CNOT6L: variants seen among roughly 807,000 people sequenced by gnomAD.
CNOT6L encodes the protein CCR4-NOT transcription complex subunit 6 like.
Under a neutral mutation model 64.0 loss-of-function variants are expected in CNOT6L, and 7 were observed. The ratio of observed to expected loss-of-function variants is 0.11; its 90% confidence interval spans 0.06 to 0.21. The LOEUF is 0.21. Ranked by LOEUF, CNOT6L falls within the 10% of genes least tolerant of loss-of-function variation. The pLI is 1.00. For missense variants in CNOT6L, 245 were observed against 669.0 expected (o/e 0.37, Z 6.99); for synonymous variants, 193 against 243.4 (o/e 0.79, Z 1.93).
intron 1 of CNOT6L, among the ~76,000 whole-genome samples, chr4:77,803,569 G>A (rs1731855770): frequency 6.6e-6 from 1 of 152,138 alleles, no homozygotes; most frequent in South Asian, 2.1e-4. Flanking sequence ...GGGACTGAAT[G>A]ACAGGACATC....
intron 1 of CNOT6L, among the ~76,000 whole-genome samples, chr4:77,790,143 AG>A (rs1171354712): frequency 2.0e-5 from 3 of 151,926 alleles, no homozygotes; most frequent in South Asian, 4.1e-4. Flanking sequence ...AGTGTCATTT[AG>A]TTGGACTCAT....
rs3747675 is a variant in CNOT6L, at chr4:77,715,095, C to G, written c.*5336G>C. 6.6e-6 allele frequency: 1 copy of G among 152,060 alleles called. No individual in the cohort carries two copies. The highest frequency in any genetic ancestry group is 2.4e-5 in the African/African-American group (1 of 41,420). 9.4% of individuals were successfully genotyped at this position (152,060 alleles called of 1,614,324 possible). A position where few individuals can be genotyped will look rare whatever the true frequency, so the allele number is the denominator to read the frequency against. ...TCTGAGAGGGTTACCATGATTCTTA[C>G]GCTTTAGAGTTAAAAGTGACAGACA... On this transcript the variant is annotated 3_prime_UTR_variant, in exon 12 of 12. Coordinates refer to ENST00000504123, the MANE Select transcript of CNOT6L (RefSeq NM_144571.3).
upstream of CNOT6L, chr4:77,819,552 G>A (rs1307907483): frequency 8.8e-6 from 4 of 456,170 alleles, no homozygotes; most frequent in African/African-American, 2.2e-5. Flanking sequence ...CAGGGAACCC[G>A]GGCCCGGGGT....
chr4:77,820,067 G>A (rs1253305972), upstream of CNOT6L, among the ~76,000 whole-genome samples: 2 of 152,174 alleles, frequency 1.3e-5, no homozygotes, highest in African/African-American at 2.4e-5. Flanking sequence ...CGCTGCGGGG[G>A]TTGCCGCTGC....
At chr4:77,760,746 G>C (rs987812905) in intron 4 of CNOT6L, among the ~76,000 whole-genome samples, 1 of 150,948 alleles carries the variant, frequency 6.6e-6, no homozygotes, top group Non-Finnish European at 1.5e-5. Flanking sequence ...TTTCAGACTG[G>C]AGTGCAGTGG....
chr4:77,734,623 C>T (rs561228523), intron 8 of CNOT6L, among the ~76,000 whole-genome samples: 1 of 152,096 alleles, frequency 6.6e-6, no homozygotes, highest in Non-Finnish European at 1.5e-5. Context: ...AATCTAAGAG[C>T]GGCAATCTTT....
chr4:77,774,606 T>C lies in CNOT6L; in HGVS notation c.238A>G (p.Asn80Asp). 6.2e-7 allele frequency: 1 copy of C among 1,613,778 alleles called. No individual in the cohort carries two copies. The highest frequency in any genetic ancestry group is 1.3e-5 in the African/African-American group (1 of 75,026). The change falls in exon 3 of 12, where the codon AAT (asparagine) becomes GAT (aspartate). Residue 80 changes from asparagine (N) to aspartate (D), a missense_variant. By Grantham distance (23) the Asn-to-Asp change is conservative. Around this residue, in one of 10 missense-constraint regions of CNOT6L, gnomAD observed 78 missense variants for 137.6 expected, o/e 0.57. Transcript: ENST00000504123. ...RIPPDIAKLHNLVYLDLSSNK... is the reference protein window; with the variant it reads ...RIPPDIAKLHDLVYLDLSSNK... ...GATGACAGATCCAGGTAAACCAGATTATGAAGCTTGGCAATATCAGGTGGA... is the reference window on the plus strand; with the variant it reads ...GATGACAGATCCAGGTAAACCAGATCATGAAGCTTGGCAATATCAGGTGGA...
chr4:77,787,815 A>G (rs1211268150), intron 1 of CNOT6L, among the ~76,000 whole-genome samples: 1 of 152,224 alleles, frequency 6.6e-6, no homozygotes, highest in Middle Eastern at 3.2e-3. Flanking sequence ...TCTCCCAACA[A>G]TCTTGTAAGC....
chr4:77,755,669 A>G (rs1725482654), intron 5 of CNOT6L, among the ~76,000 whole-genome samples: 1 of 152,148 alleles, frequency 6.6e-6, no homozygotes, highest in Non-Finnish European at 1.5e-5. Context: ...TTAGCCATAA[A>G]CTTTTCAGAT....
At position 77,720,235 on chromosome 4, in the gene CNOT6L, G is replaced by A. The variant is rs144528797; in HGVS notation, c.*196C>T. ...GTTAAATTAAAATTTTGTAAAGAGA[G>A]TAATACTTTGGTTCCAGCCCTACTG... On this transcript the variant is annotated 3_prime_UTR_variant, in exon 12 of 12. Transcript: ENST00000504123. 930 of 543,792 alleles carry A rather than the reference G, an allele frequency of 1.7e-3. 11 individuals are homozygous for A. The highest frequency in any genetic ancestry group is 0.016 in the African/African-American group (847 of 52,842). 33.7% of individuals were successfully genotyped at this position (543,792 alleles called of 1,614,324 possible). A position where few individuals can be genotyped will look rare whatever the true frequency, so the allele number is the denominator to read the frequency against.
chr4:77,748,873 A>G (rs1724501418), intron 5 of CNOT6L, among the ~76,000 whole-genome samples: 1 of 152,168 alleles, frequency 6.6e-6, no homozygotes, highest in South Asian at 2.1e-4. Context: ...TCAGCACAAA[A>G]CAAGAGATAA....
chr4:77,726,987 A>G (rs1030436049), intron 10 of CNOT6L, among the ~76,000 whole-genome samples: 1 of 152,212 alleles, frequency 6.6e-6, no homozygotes, highest in Non-Finnish European at 1.5e-5. Context: ...AATAGCATTC[A>G]GAAAAGTGCA....
At position 77,793,747 on chromosome 4, in the gene CNOT6L, T is replaced by C. The variant is rs72866617; in HGVS notation, c.6-17355A>G. ...GATTACTACAGAAACTGCTCAAGAT[T>C]AGAAGACAGATAAGCTTTCTATGCA... On this transcript the variant is annotated intron_variant, in intron 1 of 11. Coordinates refer to ENST00000504123, the MANE Select transcript of CNOT6L (RefSeq NM_144571.3). 1.6e-3 allele frequency among the ~76,000 whole-genome samples: 241 copies of C among 152,326 alleles called. 2 individuals carry two copies. The highest frequency in any genetic ancestry group is 5.2e-3 in the African/African-American group (216 of 41,572).
In CNOT6L at chr4:77,716,015, T is replaced by G. The variant is rs547154593; in HGVS notation, c.*4416A>C. On this transcript the variant is annotated 3_prime_UTR_variant, in exon 12 of 12. Transcript: ENST00000504123. ...AAAACTTTAGTTCAAGCTTCTGGCT[T>G]CCCTAGTTAATTTCTCTACCTACAA... 73 of 152,508 alleles carry G rather than the reference T, an allele frequency of 4.8e-4. 1 individual carries two copies. The highest frequency in any genetic ancestry group is 1.7e-3 in the African/African-American group (71 of 41,558). The allele number at this position is 152,508 out of a possible 1,614,324, so 9.4% of individuals were successfully genotyped here.
intron 4 of CNOT6L, among the ~76,000 whole-genome samples, chr4:77,767,103 G>C (rs1726933448): frequency 9.8e-6 from 1 of 102,524 alleles, no homozygotes; most frequent in South Asian, 3.5e-4. Context: ...AAAGACAGTT[G>C]TGGTTTACAA....
Position 77,728,920 on chromosome 4 carries a change from G to A in CNOT6L, c.1186C>T (p.Pro396Ser). The change falls in exon 10 of 12, where the codon CCA (proline) becomes TCA (serine). Residue 396 changes from proline (P) to serine (S), a missense_variant. Physicochemically the swap from Pro to Ser is moderately conservative, Grantham distance 74. Transcript: ENST00000504123. The part of the protein sequence containing the change: ...LEKASSRPGS[P>S]TADPNSIPLV... ...GGGATGGAATTAGGATCTGCAGTTGGGCTTCCAGGCCTACTAGAGGCTTTC... is the reference window on the plus strand; with the variant it reads ...GGGATGGAATTAGGATCTGCAGTTGAGCTTCCAGGCCTACTAGAGGCTTTC... 1 of 1,613,778 alleles carries A rather than the reference G, an allele frequency of 6.2e-7. No individual in the cohort carries two copies.
intron 7 of CNOT6L, among the ~76,000 whole-genome samples, chr4:77,743,241 A>G (rs1319215112): frequency 6.6e-6 from 1 of 152,112 alleles, no homozygotes; most frequent in African/African-American, 2.4e-5. Context: ...TTAATACAGT[A>G]TAGTATTATA....
intron 1 of CNOT6L, among the ~76,000 whole-genome samples, chr4:77,799,144 C>G (rs1731206789): frequency 6.6e-6 from 1 of 152,122 alleles, no homozygotes; most frequent in Non-Finnish European, 1.5e-5. Context: ...AACTGTTGAA[C>G]AGGCCAGGCA....
chr4:77,763,501 C>T (rs1357388807), intron 4 of CNOT6L, among the ~76,000 whole-genome samples: 3 of 151,910 alleles, frequency 2.0e-5, no homozygotes, highest in African/African-American at 7.2e-5. Flanking sequence ...AAAATAAACC[C>T]AAGATATGTA....
Sources: gnomAD v4.1 joint callset for allele counts (sites outside exome capture counted in the v4.1 genomes callset) on GRCh38, gnomAD v4.1.1 for gene constraint, gnomAD v4.1.1 regional missense constraint, MANE v1.5 for transcripts, NCBI Gene and HGNC (gene_info 2026-07-23, HGNC 2026-07-21) for gene names.